Variants in SMPD4 observed in about 807,000 individuals in gnomAD.
The protein encoded by SMPD4 is sphingomyelin phosphodiesterase 4.
Under a neutral mutation model 97.8 loss-of-function variants are expected in SMPD4, and 58 were observed. The observed-to-expected ratio is 0.59, with a 90% CI of 0.48 to 0.74. The LOEUF (loss-of-function observed/expected upper bound fraction) is 0.74, where lower values mean the gene tolerates loss of function less well. SMPD4 is among the 30% of genes least tolerant of loss of function. The pLI is 0.00. For missense variants in SMPD4, 853 were observed against 1,080.5 expected (o/e 0.79, Z 2.95); for synonymous variants, 388 against 450.0 (o/e 0.86, Z 1.74).
intron 2 of SMPD4, among the ~76,000 whole-genome samples, chr2:130,175,717 G>GA (rs1293772516): frequency 2.6e-5 from 4 of 152,314 alleles, no homozygotes; most frequent in Middle Eastern, 6.8e-3. Context: ...AATGGATTAA[G>GA]ATCAGGAGAA....
intron 2 of SMPD4, among the ~76,000 whole-genome samples, chr2:130,175,346 C>T (rs1349918450): frequency 1.3e-5 from 2 of 152,238 alleles, no homozygotes; most frequent in Non-Finnish European, 2.9e-5. Flanking sequence ...TGTGTAAGGG[C>T]ACCCCTCACA....
chr2:130,153,069 TAA>T lies in SMPD4; in HGVS notation c.2126_2127del (p.Phe709Ter). ...CTGTGGTTGATGGCAGACGACAGCC[TAA>T]AGAGTGTGCGGACCAAGCTGGCGAT... ...YEIASLVRTLFRLSSAINHRF... is the reference protein window; with the variant it reads ...YEIASLVRTLXRLSSAINHRF... On this transcript the variant is annotated frameshift_variant, in exon 19 of 20. Transcript: ENST00000680298. LOFTEE classifies it high-confidence loss of function. 6.2e-7 allele frequency: 1 copy of T among 1,612,704 alleles called. No homozygotes were observed. Among genetic ancestry groups the T allele is most frequent in the Non-Finnish European group, 8.5e-7 (1 of 1,179,960 alleles).
At position 130,174,552 on chromosome 2, in the gene SMPD4, C is replaced by G. The variant is rs568982878; in HGVS notation, c.126+362G>C. ...ATCTTGGTGCTGTTGACATTTTGGGCTAGATACTTCTTTGTCGCAGGGAGC... is the reference window on the plus strand; with the variant it reads ...ATCTTGGTGCTGTTGACATTTTGGGGTAGATACTTCTTTGTCGCAGGGAGC... On this transcript the variant is annotated intron_variant, in intron 3 of 19. Transcript: ENST00000680298. Among the ~76,000 whole-genome samples the G allele has an allele frequency of 8.5e-5, 13 of 152,294 alleles. No homozygotes were observed. In the South Asian group the frequency reaches 2.7e-3, roughly 32 times the overall value.
intron 8 of SMPD4, among the ~76,000 whole-genome samples, chr2:130,167,838 TG>T (rs1688078684): frequency 6.6e-6 from 1 of 152,166 alleles, no homozygotes; most frequent in South Asian, 2.1e-4. Context: ...GAAGGAGGGA[TG>T]AAGTTAGAGA....
chr2:130,173,074 A>AG (rs1688633090), intron 5 of SMPD4, among the ~76,000 whole-genome samples, 179 bp from the exon 6 acceptor site: 1 of 152,240 alleles, frequency 6.6e-6, no homozygotes, highest in Non-Finnish European at 1.5e-5. Context: ...GTCTTTGCTT[A>AG]GAACTTCTCC....
At chr2:130,174,128 C>T (rs1688752537) in intron 3 of SMPD4, among the ~76,000 whole-genome samples, 1 of 152,150 alleles carries the variant, frequency 6.6e-6, no homozygotes, top group South Asian at 2.1e-4. Flanking sequence ...TCGAGCAATC[C>T]CCCCACCTCA....
chr2:130,161,118 C>G, intron 11 of SMPD4, 68 bp downstream of exon 11: 1 of 1,492,018 alleles, frequency 6.7e-7, no homozygotes, highest in Non-Finnish European at 9.2e-7. Context: ...CCGGCCCCGG[C>G]GGCCCCTTGC....
In SMPD4 at chr2:130,181,375, G is replaced by A. The variant is rs1242245498; in HGVS notation, c.-46+155C>T. On this transcript the variant is annotated intron_variant, in intron 1 of 19. Coordinates refer to ENST00000680298, the MANE Select transcript of SMPD4 (RefSeq NM_017951.5). ...CAGAGGGGTGGCAGAAGACTCAACCGGGGCCCTCCACTCCCCAGCCTGCCC... is the reference window on the plus strand; with the variant it reads ...CAGAGGGGTGGCAGAAGACTCAACCAGGGCCCTCCACTCCCCAGCCTGCCC... 31 of 1,446,112 alleles carry A rather than the reference G, an allele frequency of 2.1e-5. No individual in the cohort carries two copies. The East Asian group carries it at 5.2e-4, about 24-fold the overall frequency. 89.6% of individuals were successfully genotyped at this position (1,446,112 alleles called of 1,614,324 possible).
At chr2:130,169,006 C>A (rs554317478) in intron 8 of SMPD4, among the ~76,000 whole-genome samples, 24 of 152,306 alleles carry the variant, frequency 1.6e-4, no homozygotes, top group Admixed American at 1.2e-3. Flanking sequence ...CAGGCATGAG[C>A]CACCATGCCC....
chr2:130,164,711 G>C (rs1236075863), intron 9 of SMPD4, among the ~76,000 whole-genome samples: 2 of 152,096 alleles, frequency 1.3e-5, no homozygotes, highest in African/African-American at 2.4e-5. Flanking sequence ...TGATTAATTA[G>C]ATATGATGCC....
In SMPD4 at chr2:130,173,628, A is replaced by G; in HGVS notation, c.155T>C (p.Val52Ala). The G allele has an allele frequency of 6.2e-7, 1 of 1,613,810 alleles. No individual in the cohort carries two copies. The highest frequency in any genetic ancestry group is 8.5e-7 in the Non-Finnish European group (1 of 1,179,840). ...KELHTIFPWL[V>A]ESIFGSLDGV... ...ATCTAGGCTGCCAAAAATGCTTTCT[A>G]CCAGCCATGGGAAGATGGTGTGCAG... The change falls in exon 4 of 20, where the codon GTA becomes GCA. Residue 52 changes from valine to alanine, a missense_variant. This residue lies in a region of SMPD4 where 313 missense variants were observed against 402.2 expected (regional missense o/e 0.78). Transcript: ENST00000680298.
rs753326799 is a variant in SMPD4, at chr2:130,172,655, G to A, written c.477C>T (p.Phe159=). 1 of 1,614,222 alleles carries A rather than the reference G, an allele frequency of 6.2e-7. No individual in the cohort carries two copies. Among genetic ancestry groups the A allele is most frequent in the Non-Finnish European group, 8.5e-7 (1 of 1,180,044 alleles). ...GAGTGATGAGGCTCAAGGCAAAGAA[G>A]AATATGTAATACTCGAACGGATCTG... ...LALNPFEYYI[F]FFALSLITQK... Residue 159 remains phenylalanine, a synonymous_variant, in exon 7 of 20, where the codon TTC becomes TTT. Transcript: ENST00000680298.
rs1573720273 is a variant in SMPD4 at position 130,172,378 on chromosome 2, T to C, written c.630A>G (p.Pro210=). 6.2e-7 allele frequency: 1 copy of C among 1,606,910 alleles called. No homozygotes were observed. The highest frequency in any genetic ancestry group is 8.5e-7 in the Non-Finnish European group (1 of 1,176,704). The stretch of plus-strand genomic sequence containing the variant: ...GAGGTGGTGAGGGGCTGGTCCCCCC[T>C]GGGCTGGAGGAGAGTGGTGGGGGCA... ...GSVPPPLSSS[P]GGTSPSPPPR... is the part of the protein sequence containing the mutation. Residue 210 remains proline, a synonymous_variant, in exon 8 of 20, where the codon CCA becomes CCG. Transcript: ENST00000680298.
chr2:130,178,800 A>G (rs1441064931), intron 1 of SMPD4, among the ~76,000 whole-genome samples: 2 of 58,548 alleles, frequency 3.4e-5, no homozygotes, highest in African/African-American at 1.1e-4. Flanking sequence ...CAAAAAATGG[A>G]AAAAAAAAAA....
At chr2:130,156,904 C>T (rs1253523713) in intron 12 of SMPD4, 11 of 1,202,088 alleles carry the variant, frequency 9.2e-6, no homozygotes, top group Non-Finnish European at 1.3e-5. Flanking sequence ...AACTCCTGCA[C>T]ACACCTCACC....
chr2:130,156,049 A>C lies in SMPD4; in HGVS notation c.1275T>G (p.Cys425Trp). The change falls in exon 14 of 20, where the codon TGT (cysteine) becomes TGG (tryptophan). Residue 425 changes from cysteine (C) to tryptophan (W), a missense_variant. Coordinates refer to ENST00000680298, the MANE Select transcript of SMPD4 (RefSeq NM_017951.5). ...CTGAGGCTCACCATTTCTCCGACAC[A>C]CACCGGGGCTGGGAGTCGCTGCCCG... ...QAPGSDSQPR[C>W]VSEKWAPFVQ... 1 of 1,611,374 alleles carries C rather than the reference A, an allele frequency of 6.2e-7. No individual in the cohort carries two copies.
At chr2:130,176,516 T>G (rs1278108789) in intron 2 of SMPD4, 38 bp downstream of exon 2, 2 of 1,540,500 alleles carry the variant, frequency 1.3e-6, no homozygotes, top group East Asian at 2.3e-5. Flanking sequence ...TACAGAACTA[T>G]GGCCACACTG....
chr2:130,176,134 G>T lies in SMPD4; in HGVS notation c.39+420C>A, dbSNP rs994547500. On this transcript the variant is annotated intron_variant, in intron 2 of 19. Transcript: ENST00000680298. Reference sequence around the variant, plus strand: ...CACTGCACCCAGTTCTCAGCATCATGTTTAATACTTAAAGTGCAACCTAGC... The same window carrying T: ...CACTGCACCCAGTTCTCAGCATCATTTTTAATACTTAAAGTGCAACCTAGC... 1.2e-4 allele frequency among the ~76,000 whole-genome samples: 19 copies of T among 152,238 alleles called. No homozygotes were observed. The Middle Eastern group carries it at 0.014, about 109-fold the overall frequency.
intron 11 of SMPD4, among the ~76,000 whole-genome samples, chr2:130,158,713 C>T (rs11684431): frequency 0.37 from 56,370 of 151,826 alleles, 10,674 homozygotes; most frequent in East Asian, 0.46. Flanking sequence ...CGAGAGTAGA[C>T]GAGGGCAGGG....
Sources: allele counts gnomAD v4.1 joint callset (sites outside exome capture counted in the v4.1 genomes callset), GRCh38; gene constraint gnomAD v4.1.1; regional missense constraint gnomAD v4.1.1; transcripts MANE v1.5; gene names NCBI Gene and HGNC (gene_info 2026-07-23, HGNC 2026-07-21).